The following EFR3A variants were observed in gnomAD, a reference collection of about 807,000 sequenced individuals.
The protein encoded by EFR3A is protein EFR3 homolog A.
In EFR3A, 76 loss-of-function variants were observed where a neutral mutation model predicts 104.4. The observed-to-expected ratio is 0.73, with a 90% CI of 0.60 to 0.88. EFR3A has a LOEUF of 0.88. Ranked by LOEUF, EFR3A falls within the 40% of genes least tolerant of loss-of-function variation. The pLI, the probability that EFR3A is intolerant of heterozygous loss-of-function variation, is 0.00. For synonymous variants in EFR3A, 330 were observed against 330.0 expected, an observed-to-expected ratio of 1.00 and a Z score of 0.00; for missense variants, 985 against 1,012.5, an observed-to-expected ratio of 0.97 and a Z score of 0.37.
At chr8:131,918,674 A>G (rs1283353279) in intron 1 of EFR3A, among the ~76,000 whole-genome samples, 3 of 152,212 alleles carry the variant, frequency 2.0e-5, no homozygotes, top group East Asian at 1.9e-4. Context: ...AACATATGGC[A>G]TAGATGCTGT....
At chr8:131,921,633 A>C (rs139261694) in intron 1 of EFR3A, among the ~76,000 whole-genome samples, 489 of 152,282 alleles carry the variant, frequency 3.2e-3, no homozygotes, top group Non-Finnish European at 5.7e-3. Context: ...TACTGAGCCC[A>C]GACATTCATT....
rs1473377038 is a variant in EFR3A, at chr8:131,959,649, A to G, written c.841A>G (p.Met281Val). ...TGCAGTTCACTGCTTTAAAATTATAATGTATTCCATTCAGGTAAGGTTTGA... is the reference window on the plus strand; with the variant it reads ...TGCAGTTCACTGCTTTAAAATTATAGTGTATTCCATTCAGGTAAGGTTTGA... ...EFAVHCFKII[M>V]YSIQAQYSHH... The change falls in exon 8 of 23, where the codon ATG becomes GTG. Residue 281 changes from methionine (M) to valine (V), a missense_variant. By Grantham distance (21) the Met-to-Val change is conservative. Coordinates refer to ENST00000254624, the MANE Select transcript of EFR3A (RefSeq NM_015137.6). The G allele has an allele frequency of 4.3e-6, 7 of 1,610,952 alleles. No individual in the cohort carries two copies. The highest frequency in any genetic ancestry group is 5.9e-6 in the Non-Finnish European group (7 of 1,178,616).
chr8:131,929,510 C>T (rs918965688), intron 1 of EFR3A, among the ~76,000 whole-genome samples: 2 of 151,992 alleles, frequency 1.3e-5, no homozygotes, highest in African/African-American at 4.8e-5. Flanking sequence ...GTTTGTTATC[C>T]CATTAGCTAT....
Position 132,011,352 on chromosome 8 carries a change from C to G in EFR3A, c.*457C>G. On this transcript the variant is annotated 3_prime_UTR_variant, in exon 23 of 23. Coordinates refer to ENST00000254624, the MANE Select transcript of EFR3A (RefSeq NM_015137.6). ...AAATATATTCCTAGTCCTGGGACTG[C>G]AAAACTGTTCGGTGGCTTTTTGTCC... 1.0e-6 allele frequency: 1 copy of G among 986,196 alleles called. No individual in the cohort carries two copies. The highest frequency in any genetic ancestry group is 1.2e-6 in the Non-Finnish European group (1 of 830,458). The allele number at this position is 986,196 out of a possible 1,614,324, so 61.1% of individuals were successfully genotyped here.
At chr8:131,925,978 AAAAT>A (rs1169914503) in intron 1 of EFR3A, among the ~76,000 whole-genome samples, 6 of 151,990 alleles carry the variant, frequency 3.9e-5, no homozygotes, top group Non-Finnish European at 5.9e-5. Flanking sequence ...TTTGAGTTTT[AAAAT>A]AAATGCAACA....
chr8:131,986,370 A>G (rs1652181326), intron 17 of EFR3A, 109 bp downstream of exon 17: 1 of 511,694 alleles, frequency 2.0e-6, no homozygotes, highest in Non-Finnish European at 3.4e-6. Flanking sequence ...GCTTTATACT[A>G]ATCATCATTT....
chr8:131,939,381 C>G (rs1349022624), intron 1 of EFR3A, among the ~76,000 whole-genome samples: 1 of 152,110 alleles, frequency 6.6e-6, no homozygotes, highest in African/African-American at 2.4e-5. Context: ...TTATCTGTCT[C>G]TCCTGGTAAA....
intron 10 of EFR3A, among the ~76,000 whole-genome samples, chr8:131,973,673 G>A (rs1203298707): frequency 6.6e-6 from 1 of 151,902 alleles, no homozygotes; most frequent in African/African-American, 2.4e-5. Context: ...CTGTCGGTGG[G>A]CCATGGAACA....
intron 1 of EFR3A, among the ~76,000 whole-genome samples, chr8:131,926,780 C>T (rs1385554021): frequency 6.6e-6 from 1 of 152,036 alleles, no homozygotes; most frequent in Non-Finnish European, 1.5e-5. Flanking sequence ...CCACCGTGTC[C>T]AGCTAGTTTT....
intron 18 of EFR3A, among the ~76,000 whole-genome samples, chr8:131,989,476 A>G (rs1184029895): frequency 1.3e-5 from 2 of 152,240 alleles, no homozygotes; most frequent in African/African-American, 4.8e-5. Context: ...GGTGAGGAAG[A>G]TAGCATTATC....
intron 1 of EFR3A, among the ~76,000 whole-genome samples, chr8:131,922,203 A>G (rs146053033): frequency 1.3e-3 from 199 of 152,234 alleles, no homozygotes; most frequent in African/African-American, 4.1e-3. Context: ...TTATAAGGAT[A>G]CCAGTCATTG....
chr8:131,960,161 T>A (rs1819231165), intron 8 of EFR3A, among the ~76,000 whole-genome samples: 1 of 152,262 alleles, frequency 6.6e-6, no homozygotes, highest in Non-Finnish European at 1.5e-5. Context: ...TCTTGTGGAG[T>A]TTAGACTAAG....
chr8:131,989,248 A>T (rs1288264668), intron 18 of EFR3A, among the ~76,000 whole-genome samples: 2 of 152,174 alleles, frequency 1.3e-5, no homozygotes, highest in Non-Finnish European at 2.9e-5. Flanking sequence ...CTGTAATTAA[A>T]TTTCCTTTTG....
At chr8:131,960,477 A>G (rs1279209387) in intron 8 of EFR3A, among the ~76,000 whole-genome samples, 4 of 152,120 alleles carry the variant, frequency 2.6e-5, no homozygotes, top group African/African-American at 9.7e-5. Context: ...CTATTGTTTT[A>G]TGACAGGGTT....
chr8:132,011,107 T>TTTGA lies in EFR3A; in HGVS notation c.*212_*213insTTGA. Reference sequence around the variant, plus strand: ...AAGATAGATTTATGCCATGTTAATTTGCTTTGAGGTTCCTGTTGCCTTTTT... The same window carrying TTTGA: ...AAGATAGATTTATGCCATGTTAATTTTTGAGCTTTGAGGTTCCTGTTGCCTTTTT... On this transcript the variant is annotated 3_prime_UTR_variant, in exon 23 of 23. Transcript: ENST00000254624. 1 of 1,219,178 alleles carries TTTGA rather than the reference T, an allele frequency of 8.2e-7. No individual in the cohort carries two copies. The highest frequency in any genetic ancestry group is 3.1e-5 in the East Asian group (1 of 31,934). 75.5% of individuals were successfully genotyped at this position (1,219,178 alleles called of 1,614,324 possible).
intron 8 of EFR3A, 60 bp from the exon 9 acceptor site, chr8:131,968,235 G>A (rs1819861672): frequency 2.0e-6 from 3 of 1,517,004 alleles, no homozygotes; most frequent in Non-Finnish European, 1.8e-6. Context: ...TTTATTCTTA[G>A]GAATTCTGCC....
intron 8 of EFR3A, among the ~76,000 whole-genome samples, chr8:131,960,321 C>A (rs537173243): frequency 6.6e-6 from 1 of 151,876 alleles, no homozygotes; most frequent in Non-Finnish European, 1.5e-5. Context: ...TATTATTTGT[C>A]GGATTCAAAA....
Position 131,984,241 on chromosome 8 carries a change from A to G in EFR3A, c.1678A>G (p.Ile560Val), listed in dbSNP as rs748893184. ...LLYTSLALIT[I>V]ELANEEVVID... ...TTATACTTCTCTTGCTCTTATAACTATTGAACTGGCTAATGAAGAAGTAGT... is the reference window on the plus strand; with the variant it reads ...TTATACTTCTCTTGCTCTTATAACTGTTGAACTGGCTAATGAAGAAGTAGT... The change falls in exon 15 of 23, where the codon ATT becomes GTT. Residue 560 changes from isoleucine (I) to valine (V), a missense_variant. Physicochemically the swap from Ile to Val is conservative, Grantham distance 29. Coordinates refer to ENST00000254624, the MANE Select transcript of EFR3A (RefSeq NM_015137.6). The G allele has an allele frequency of 3.7e-5, 59 of 1,610,662 alleles. No homozygotes were observed. Among genetic ancestry groups the G allele is most frequent in the Non-Finnish European group, 4.7e-5 (55 of 1,178,388 alleles).
intron 11 of EFR3A, 118 bp downstream of exon 11, chr8:131,976,259 G>T: frequency 1.5e-6 from 1 of 687,896 alleles, no homozygotes; most frequent in Non-Finnish European, 2.5e-6. Context: ...GCATTCCTAT[G>T]GAAAGCAGTT....
Sources: gnomAD v4.1 joint callset for allele counts (sites outside exome capture counted in the v4.1 genomes callset) on GRCh38, gnomAD v4.1.1 for gene constraint, MANE v1.5 for transcripts, NCBI Gene and HGNC (gene_info 2026-07-23, HGNC 2026-07-21) for gene names.